The following ATP9A variants were observed in gnomAD, a reference collection of about 807,000 sequenced individuals.
ATP9A encodes the protein probable phospholipid-transporting ATPase IIA.
ATP9A carries 52 observed loss-of-function variants against 144.1 expected under a neutral mutation model. That is an observed-to-expected ratio of 0.36 (90% CI 0.29 to 0.45). ATP9A has a LOEUF of 0.45. Among genes scored for constraint, ATP9A ranks in the 20% least tolerant of loss-of-function variants. The pLI is 1.00. For missense variants in ATP9A, 947 were observed against 1,392.7 expected (o/e 0.68, Z 5.09); for synonymous variants, 582 against 557.4 (o/e 1.04, Z -0.62).
At chr20:51,641,891 CCT>C (rs2077320947) in intron 14 of ATP9A, among the ~76,000 whole-genome samples, 2 of 151,526 alleles carry the variant, frequency 1.3e-5, no homozygotes, top group Admixed American at 1.3e-4. Flanking sequence ...CCCAAGTACC[CCT>C]CTCCCTATCA....
At chr20:51,709,913 G>T (rs1288361725) in intron 4 of ATP9A, among the ~76,000 whole-genome samples, 1 of 152,102 alleles carries the variant, frequency 6.6e-6, no homozygotes, top group Non-Finnish European at 1.5e-5. Flanking sequence ...GATGTAGCAG[G>T]TAGGTAAATA....
chr20:51,619,409 G>A (rs190437759), intron 19 of ATP9A, among the ~76,000 whole-genome samples: 110 of 151,844 alleles, frequency 7.2e-4, no homozygotes, highest in African/African-American at 2.5e-3. Context: ...ACTAAAAATA[G>A]AAAATTAGCT....
At chr20:51,638,353 T>A (rs2077304186) in intron 15 of ATP9A, among the ~76,000 whole-genome samples, 1 of 147,474 alleles carries the variant, frequency 6.8e-6, no homozygotes, top group Non-Finnish European at 1.5e-5. Context: ...ATCCTTAAGA[T>A]CTGAAGGAGA....
chr20:51,603,877 T>C (rs1173661142), intron 27 of ATP9A, among the ~76,000 whole-genome samples: 1 of 152,094 alleles, frequency 6.6e-6, no homozygotes, highest in East Asian at 1.9e-4. Context: ...GCCTCCCGGG[T>C]TCAGGCGATT....
chr20:51,710,298 C>T (rs2077632303), intron 4 of ATP9A, among the ~76,000 whole-genome samples: 2 of 139,984 alleles, frequency 1.4e-5, no homozygotes, highest in Admixed American at 7.3e-5. Context: ...AGCGAAACTC[C>T]GTCTAAAAAA....
intron 4 of ATP9A, among the ~76,000 whole-genome samples, chr20:51,698,881 C>A (rs1426055630): frequency 6.6e-6 from 1 of 152,152 alleles, no homozygotes; most frequent in Non-Finnish European, 1.5e-5. Context: ...CCAGTTGGGG[C>A]CAGGTGGCCC....
rs186836000 is a variant in ATP9A at position 51,619,783 on chromosome 20, C to T, written c.2116-740G>A. Among the ~76,000 whole-genome samples, 827 of 146,682 alleles carry T rather than the reference C, an allele frequency of 5.6e-3. 8 individuals are homozygous for T. Among genetic ancestry groups the T allele is most frequent in the African/African-American group, 0.02 (784 of 39,810 alleles). On this transcript the variant is annotated intron_variant, in intron 19 of 27. Coordinates refer to ENST00000338821, the MANE Select transcript of ATP9A (RefSeq NM_006045.3). The stretch of plus-strand genomic sequence containing the variant: ...CTTGGGAAGGCTGAGGCAGGAGAAT[C>T]GCTTGAACCTGGGAGGTGGAGGTTG...
At chr20:51,710,527 C>T (rs543783831) in intron 4 of ATP9A, among the ~76,000 whole-genome samples, 2 of 152,316 alleles carry the variant, frequency 1.3e-5, no homozygotes, top group East Asian at 1.9e-4. Context: ...GGCCCTCCCC[C>T]CAAAAGCGTA....
intron 19 of ATP9A, among the ~76,000 whole-genome samples, chr20:51,619,582 G>C (rs959448935): frequency 1.4e-5 from 2 of 147,844 alleles, no homozygotes; most frequent in African/African-American, 5.0e-5. Context: ...AAAAAGGGGG[G>C]GGGGGGCCAG....
chr20:51,696,252 G>A (rs899194172), intron 5 of ATP9A, 108 bp from the exon 6 acceptor site: 6 of 850,796 alleles, frequency 7.1e-6, no homozygotes, highest in Admixed American at 4.7e-5. Flanking sequence ...GTTGGGGCAG[G>A]GGGGACTGAA....
intron 1 of ATP9A, among the ~76,000 whole-genome samples, chr20:51,751,130 T>A (rs2077829649): frequency 1.3e-5 from 2 of 152,132 alleles, no homozygotes; most frequent in African/African-American, 4.8e-5. Flanking sequence ...CCATTGTTTA[T>A]CCTCCTTCTG....
intron 1 of ATP9A, among the ~76,000 whole-genome samples, chr20:51,750,817 C>G (rs1343160172): frequency 6.6e-6 from 1 of 152,158 alleles, no homozygotes; most frequent in African/African-American, 2.4e-5. Context: ...TCTCAATTGT[C>G]TAGATGGCAA....
intron 4 of ATP9A, among the ~76,000 whole-genome samples, chr20:51,703,370 C>T (rs1444341125): frequency 3.3e-5 from 5 of 152,296 alleles, no homozygotes; most frequent in Admixed American, 6.5e-5. Context: ...GATTTTTAAA[C>T]GCATTTGCAG....
At chr20:51,738,029 A>ATT (rs11321391) in intron 1 of ATP9A, among the ~76,000 whole-genome samples, 32 of 137,856 alleles carry the variant, frequency 2.3e-4, no homozygotes, top group African/African-American at 6.2e-4. Context: ...CCTCTAAAAC[A>ATT]TTTTTTTTTT....
rs141084045 is a variant in ATP9A at position 51,618,749 on chromosome 20, C to T, written c.2263G>A (p.Val755Ile). 6.7e-5 allele frequency: 108 copies of T among 1,609,926 alleles called. No homozygotes were observed. The highest frequency in any genetic ancestry group is 1.3e-4 in the East Asian group (6 of 44,830). ...FMELACQCPA[V>I]VCCRCAPTQK... ...GTGGGGGCACATCGGCAGCAGACTA[C>T]GGCCGGGCACTGGCAGGCCAGCTCC... The change falls in exon 21 of 28, where the codon GTA becomes ATA. Residue 755 changes from valine (V) to isoleucine (I), a missense_variant. Around this residue, in one of 2 missense-constraint regions of ATP9A, gnomAD observed 770 missense variants for 1,047.9 expected, o/e 0.73. Coordinates refer to ENST00000338821, the MANE Select transcript of ATP9A (RefSeq NM_006045.3).
intron 15 of ATP9A, among the ~76,000 whole-genome samples, chr20:51,635,828 G>A (rs1413878747): frequency 2.3e-4 from 25 of 110,816 alleles, no homozygotes; most frequent in East Asian, 6.3e-4. Flanking sequence ...AAGGAAGGGA[G>A]GGAGGGAGGG....
At chr20:51,691,640 A>G (rs1163394870) in intron 7 of ATP9A, among the ~76,000 whole-genome samples, 4 of 152,224 alleles carry the variant, frequency 2.6e-5, no homozygotes, top group Admixed American at 6.5e-5. Flanking sequence ...GGCCCTGTGC[A>G]CTGTTGCTGG....
At chr20:51,663,750 C>T (rs139322811) in intron 13 of ATP9A, among the ~76,000 whole-genome samples, 3,626 of 148,878 alleles carry the variant, frequency 0.024, 90 homozygotes, top group African/African-American at 0.059. Context: ...GCGGAGATCG[C>T]GCCACTGCAC....
At chr20:51,749,283 G>A (rs1041109256) in intron 1 of ATP9A, among the ~76,000 whole-genome samples, 4 of 151,186 alleles carry the variant, frequency 2.6e-5, no homozygotes, top group African/African-American at 9.7e-5. Context: ...TTTTTTTTGA[G>A]ACGGAGTCTC....
Sources: gnomAD v4.1 joint callset for allele counts (sites outside exome capture counted in the v4.1 genomes callset) on GRCh38, gnomAD v4.1.1 for gene constraint, gnomAD v4.1.1 regional missense constraint, MANE v1.5 for transcripts, NCBI Gene and HGNC (gene_info 2026-07-23, HGNC 2026-07-21) for gene names.